The following ARHGAP15 variants were observed in gnomAD, a reference collection of about 807,000 sequenced individuals.
ARHGAP15 encodes rho GTPase-activating protein 15.
A neutral mutation model predicts 63.7 loss-of-function variants in ARHGAP15; 51 were observed. That is an observed-to-expected ratio of 0.80 (90% CI 0.64 to 1.01). The LOEUF (loss-of-function observed/expected upper bound fraction) is 1.01. ARHGAP15 is among the 50% of genes least tolerant of loss of function. ARHGAP15 has a pLI of 0.00. For synonymous variants in ARHGAP15, 191 were observed against 193.8 expected (o/e 0.99, Z 0.12); for missense variants, 560 against 564.6 (o/e 0.99, Z 0.08).
rs143854156 is a variant in ARHGAP15 at position 143,265,956 on chromosome 2, G to A, written c.474+15356G>A. On this transcript the variant is annotated intron_variant, in intron 6 of 13. Transcript: ENST00000295095. ...ATATATTATTTCTAAATCTATTTTA[G>A]GTTAACTTCAGGAATAGAAACTGAT... Among the ~76,000 whole-genome samples, 692 of 151,916 alleles carry A rather than the reference G, an allele frequency of 4.6e-3. 4 individuals are homozygous for A. The highest frequency in any genetic ancestry group is 0.016 in the African/African-American group (649 of 41,462).
At chr2:143,473,508 G>A (rs1408010256) in intron 8 of ARHGAP15, among the ~76,000 whole-genome samples, 1 of 152,164 alleles carries the variant, frequency 6.6e-6, no homozygotes, top group Non-Finnish European at 1.5e-5. Context: ...TGCTTTGACA[G>A]TTTGGAGGAT....
chr2:143,432,002 T>C (rs1375731349), intron 6 of ARHGAP15, among the ~76,000 whole-genome samples: 1 of 152,060 alleles, frequency 6.6e-6, no homozygotes, highest in Non-Finnish European at 1.5e-5. Flanking sequence ...TCAAATATGT[T>C]TTGCTGATGA....
intron 8 of ARHGAP15, among the ~76,000 whole-genome samples, chr2:143,445,473 A>G (rs914467761): frequency 6.6e-6 from 1 of 151,998 alleles, no homozygotes; most frequent in Non-Finnish European, 1.5e-5. Context: ...ATTAAGAACA[A>G]TTTCTAATGA....
intron 1 of ARHGAP15, among the ~76,000 whole-genome samples, chr2:143,140,714 G>C (rs1689326123): frequency 2.0e-5 from 3 of 151,962 alleles, no homozygotes; most frequent in Non-Finnish European, 4.4e-5. Flanking sequence ...TTCCTTTGAG[G>C]AAACCAACTC....
intron 2 of ARHGAP15, among the ~76,000 whole-genome samples, chr2:143,177,300 G>A (rs1574052846): frequency 6.6e-6 from 1 of 152,120 alleles, no homozygotes; most frequent in South Asian, 2.1e-4. Context: ...CTCTGTCGTA[G>A]AATTAAAAGG....
At chr2:143,169,700 A>G (rs562948784) in intron 2 of ARHGAP15, among the ~76,000 whole-genome samples, 11 of 150,108 alleles carry the variant, frequency 7.3e-5, no homozygotes, top group Non-Finnish European at 1.0e-4. Flanking sequence ...TATGGAAAGC[A>G]TTTGTGGGCC....
chr2:143,588,460 A>G (rs926912066), intron 11 of ARHGAP15, among the ~76,000 whole-genome samples: 1 of 152,006 alleles, frequency 6.6e-6, no homozygotes, highest in African/African-American at 2.4e-5. Flanking sequence ...GCATTTAATG[A>G]CCTGTCCTCT....
intron 13 of ARHGAP15, among the ~76,000 whole-genome samples, chr2:143,763,812 A>G (rs910969518): frequency 6.7e-6 from 1 of 148,886 alleles, no homozygotes; most frequent in South Asian, 2.1e-4. Flanking sequence ...TATATAGATT[A>G]CATATATACA....
intron 6 of ARHGAP15, among the ~76,000 whole-genome samples, chr2:143,377,055 T>C (rs1686845176): frequency 6.6e-6 from 1 of 152,136 alleles, no homozygotes; most frequent in Non-Finnish European, 1.5e-5. Context: ...GTACAAGTTT[T>C]GGATTTCGTT....
At chr2:143,363,232 A>G (rs1686139065) in intron 6 of ARHGAP15, among the ~76,000 whole-genome samples, 1 of 151,996 alleles carries the variant, frequency 6.6e-6, no homozygotes, top group African/African-American at 2.4e-5. Context: ...TTTTGTCCCT[A>G]CTGTTTCTTC....
At chr2:143,606,508 C>T (rs370363929) in intron 11 of ARHGAP15, among the ~76,000 whole-genome samples, 1 of 152,142 alleles carries the variant, frequency 6.6e-6, no homozygotes, top group African/African-American at 2.4e-5. Context: ...TTTAACACCC[C>T]AGTCTGATCT....
At chr2:143,374,892 C>A (rs921954450) in intron 6 of ARHGAP15, among the ~76,000 whole-genome samples, 3 of 152,156 alleles carry the variant, frequency 2.0e-5, no homozygotes, top group Non-Finnish European at 4.4e-5. Context: ...ATTTTATAAT[C>A]TCAGAATTTA....
chr2:143,190,390 T>C (rs1691633577), intron 2 of ARHGAP15, among the ~76,000 whole-genome samples: 1 of 152,352 alleles, frequency 6.6e-6, no homozygotes, highest in African/African-American at 2.4e-5. Context: ...CATTCACTTC[T>C]GCTAGAGAAG....
At chr2:143,376,107 G>C (rs1338302599) in intron 6 of ARHGAP15, among the ~76,000 whole-genome samples, 1 of 152,174 alleles carries the variant, frequency 6.6e-6, no homozygotes, top group African/African-American at 2.4e-5. Context: ...GCTAGGTTCT[G>C]TAAGATTCTC....
At chr2:143,531,018 G>A (rs1468750352) in intron 10 of ARHGAP15, among the ~76,000 whole-genome samples, 6 of 152,174 alleles carry the variant, frequency 3.9e-5, no homozygotes, top group Non-Finnish European at 7.3e-5. Flanking sequence ...AGTGGACAGT[G>A]CAGCAGGGTG....
intron 6 of ARHGAP15, among the ~76,000 whole-genome samples, chr2:143,378,399 T>C (rs1019971102): frequency 6.6e-6 from 1 of 152,082 alleles, no homozygotes; most frequent in African/African-American, 2.4e-5. Flanking sequence ...TGTATCCATG[T>C]TACCTCTTGG....
At chr2:143,296,602 C>T (rs1195528745) in intron 6 of ARHGAP15, among the ~76,000 whole-genome samples, 1 of 151,918 alleles carries the variant, frequency 6.6e-6, no homozygotes, top group African/African-American at 2.4e-5. Flanking sequence ...ACGTTTTGGT[C>T]TATGAGATGG....
chr2:143,153,777 A>ATCATCTTCATCT (rs1553440880), intron 1 of ARHGAP15, among the ~76,000 whole-genome samples: 9 of 85,256 alleles, frequency 1.1e-4, no homozygotes, highest in African/African-American at 3.9e-4. Flanking sequence ...TATATAATAA[A>ATCATCTTCATCT]TCTTCTTCTT....
At chr2:143,359,937 A>G (rs1685968278) in intron 6 of ARHGAP15, among the ~76,000 whole-genome samples, 3 of 152,218 alleles carry the variant, frequency 2.0e-5, no homozygotes, top group Admixed American at 6.5e-5. Context: ...TGATATTTAC[A>G]AACACTTTTT....
Sources: allele counts gnomAD v4.1 joint callset (sites outside exome capture counted in the v4.1 genomes callset), GRCh38; gene constraint gnomAD v4.1.1; transcripts MANE v1.5; gene names NCBI Gene and HGNC (gene_info 2026-07-23, HGNC 2026-07-21).